Variants in SLC36A2 observed in about 807,000 individuals in gnomAD.
SLC36A2 encodes the protein proton-coupled amino acid transporter 2.
SLC36A2 carries 39 observed loss-of-function variants against 42.7 expected under a neutral mutation model. The ratio of observed to expected loss-of-function variants is 0.91; its 90% CI spans 0.71 to 1.19. The LOEUF is 1.19. Among genes scored for constraint, SLC36A2 ranks in the 50% most tolerant of loss-of-function variants. SLC36A2 has a pLI of 0.00. For synonymous variants in SLC36A2, 237 were observed against 240.8 expected (o/e 0.98, Z 0.15); for missense variants, 590 against 613.7 (o/e 0.96, Z 0.41).
Position 151,317,056 on chromosome 5 carries a change from G to T in SLC36A2, c.1213C>A (p.Leu405Met). Residue 405 changes from leucine (L) to methionine (M), a missense_variant, in exon 10 of 10, where the codon CTG becomes ATG. Transcript: ENST00000335244. ...LLAILIPRLD[L>M]VISLVGSVSG... ...ACGGAGCCCACCAGGGAGATGACCA[G>T]GTCCAGGCGGGGGATGAGGATGGCC... 6.2e-7 allele frequency: 1 copy of T among 1,614,134 alleles called. No individual in the cohort carries two copies. Among genetic ancestry groups the T allele is most frequent in the Non-Finnish European group, 8.5e-7 (1 of 1,180,024 alleles).
Position 151,335,328 on chromosome 5 carries a change from C to T in SLC36A2, c.744+1G>A, listed in dbSNP as rs560625643. On this transcript the variant is annotated splice_donor_variant, in intron 6 of 9. Coordinates refer to ENST00000335244, the MANE Select transcript of SLC36A2 (RefSeq NM_181776.3). LOFTEE classifies it high-confidence loss of function. The stretch of plus-strand genomic sequence containing the variant: ...TGGGCAGGTGCATGGTGTGCACTCA[C>T]CTGGGTAATGTACTGTATGATGATG... 6 of 1,610,146 alleles carry T rather than the reference C, an allele frequency of 3.7e-6. No homozygotes were observed. The highest frequency in any genetic ancestry group is 4.2e-6 in the Non-Finnish European group (5 of 1,178,076).
At chr5:151,331,531 C>T (rs1421524927) in intron 7 of SLC36A2, among the ~76,000 whole-genome samples, 1 of 151,912 alleles carries the variant, frequency 6.6e-6, no homozygotes, top group Non-Finnish European at 1.5e-5. Context: ...GTTGCCCAGG[C>T]TGGTCTCAAA....
chr5:151,346,434 T>C (rs1252113143), intron 1 of SLC36A2, among the ~76,000 whole-genome samples: 1 of 152,106 alleles, frequency 6.6e-6, no homozygotes, highest in African/African-American at 2.4e-5. Context: ...TTTGTTTCCA[T>C]GCACCCTCCT....
intron 2 of SLC36A2, among the ~76,000 whole-genome samples, 157 bp downstream of exon 2, chr5:151,344,020 G>A (rs763552053): frequency 2.6e-5 from 4 of 152,166 alleles, no homozygotes; most frequent in Non-Finnish European, 4.4e-5. Flanking sequence ...TGGCAGAGCC[G>A]GAACTCAAAC....
At chr5:151,327,263 G>A (rs761207313) in intron 7 of SLC36A2, among the ~76,000 whole-genome samples, 1 of 152,108 alleles carries the variant, frequency 6.6e-6, no homozygotes, top group Non-Finnish European at 1.5e-5. Flanking sequence ...TTACAGATGA[G>A]GAAAACAAGG....
intron 7 of SLC36A2, among the ~76,000 whole-genome samples, chr5:151,329,438 A>T (rs1755936208): frequency 6.6e-6 from 1 of 152,208 alleles, no homozygotes; most frequent in Non-Finnish European, 1.5e-5. Flanking sequence ...GAAAAATCTC[A>T]TCAACTTTCA....
At chr5:151,346,962 C>T (rs1756512822) in intron 1 of SLC36A2, among the ~76,000 whole-genome samples, 1 of 152,208 alleles carries the variant, frequency 6.6e-6, no homozygotes, top group Non-Finnish European at 1.5e-5. Flanking sequence ...TATCCCCAAT[C>T]TTAACATCGC....
intron 7 of SLC36A2, among the ~76,000 whole-genome samples, chr5:151,332,039 G>A (rs978322459): frequency 2.6e-5 from 4 of 152,000 alleles, no homozygotes; most frequent in African/African-American, 9.7e-5. Flanking sequence ...GTTAATTTTT[G>A]CATTTTTAGT....
Position 151,325,546 on chromosome 5 carries a change from A to G in SLC36A2, c.844-94T>C, listed in dbSNP as rs1755830065. On this transcript the variant is annotated intron_variant, in intron 7 of 9. Transcript: ENST00000335244. Reference sequence around the variant, plus strand: ...TCTGGATGTCTACCCCAAAGAACTGAAAGCAGGGCCTCAAAGAGATATTTG... The same window carrying G: ...TCTGGATGTCTACCCCAAAGAACTGGAAGCAGGGCCTCAAAGAGATATTTG... 3.9e-6 allele frequency: 5 copies of G among 1,286,258 alleles called. No homozygotes were observed. In the Admixed American group the frequency reaches 7.3e-5, roughly 19 times the overall value. The allele number at this position is 1,286,258 out of a possible 1,614,324, so 79.7% of individuals were successfully genotyped here. A position where few individuals can be genotyped will look rare whatever the true frequency, so the allele number is the denominator to read the frequency against.
At chr5:151,340,861 G>A (rs1477605904) in intron 4 of SLC36A2, among the ~76,000 whole-genome samples, 4 of 152,166 alleles carry the variant, frequency 2.6e-5, no homozygotes, top group Non-Finnish European at 5.9e-5. Context: ...CCATTTGCTC[G>A]TTGCAGTAGA....
intron 5 of SLC36A2, among the ~76,000 whole-genome samples, chr5:151,337,734 G>A (rs768917085): frequency 3.3e-5 from 5 of 152,108 alleles, no homozygotes; most frequent in Non-Finnish European, 5.9e-5. Flanking sequence ...GAAACAAAGG[G>A]AAATAAGGGA....
intron 9 of SLC36A2, among the ~76,000 whole-genome samples, chr5:151,318,568 ATAT>A (rs1470109548): frequency 2.1e-5 from 3 of 145,266 alleles, no homozygotes; most frequent in Non-Finnish European, 4.5e-5. Flanking sequence ...ATATTTTTAT[ATAT>A]AATAAATATT....
chr5:151,340,176 AG>A (rs371300045), intron 4 of SLC36A2, among the ~76,000 whole-genome samples: 4 of 46,182 alleles, frequency 8.7e-5, no homozygotes, highest in African/African-American at 2.5e-4. Flanking sequence ...AGGAAGGAGG[AG>A]GAGGAGGAAG....
At chr5:151,345,180 TAA>T (rs1170255131) in intron 1 of SLC36A2, among the ~76,000 whole-genome samples, 1 of 152,228 alleles carries the variant, frequency 6.6e-6, no homozygotes, top group East Asian at 1.9e-4. Context: ...TGTACCAGGT[TAA>T]GTCAAGGCGA....
intron 7 of SLC36A2, among the ~76,000 whole-genome samples, chr5:151,328,432 G>T (rs1198292515): frequency 6.6e-6 from 1 of 152,210 alleles, no homozygotes; most frequent in African/African-American, 2.4e-5. Context: ...ACTATGCGGT[G>T]CATACAGACA....
In SLC36A2 at chr5:151,340,167, G is replaced by A. The variant is rs969993323; in HGVS notation, c.441-1023C>T. On this transcript the variant is annotated intron_variant, in intron 4 of 9. Coordinates refer to ENST00000335244, the MANE Select transcript of SLC36A2 (RefSeq NM_181776.3). ...AGGAGGAGAAGGAGGAGGAAGAAGAGGAAGGAGGAGGAGGAGGAAGAGGTG... is the reference window on the plus strand; with the variant it reads ...AGGAGGAGAAGGAGGAGGAAGAAGAAGAAGGAGGAGGAGGAGGAAGAGGTG... 2.1e-4 allele frequency among the ~76,000 whole-genome samples: 24 copies of A among 112,392 alleles called. 1 individual carries two copies. The highest frequency in any genetic ancestry group is 3.0e-4 in the Non-Finnish European group (19 of 62,786). 73.7% of individuals were successfully genotyped at this position (112,392 alleles called of 152,430 possible).
intron 5 of SLC36A2, chr5:151,338,465 G>A (rs1268367715): frequency 6.5e-6 from 1 of 153,048 alleles, no homozygotes; most frequent in Non-Finnish European, 1.5e-5. Context: ...CTTGAGCCCT[G>A]GAGTTTGAGG....
rs146368649 is a variant in SLC36A2, at chr5:151,334,376, A to G, written c.744+953T>C. The stretch of plus-strand genomic sequence containing the variant: ...AGGGGCTTCTGAGACTTAACTTTCT[A>G]TGTAGTGTTGTCTATTATAAAAGAA... On this transcript the variant is annotated intron_variant, in intron 6 of 9. Coordinates refer to ENST00000335244, the MANE Select transcript of SLC36A2 (RefSeq NM_181776.3). Among the ~76,000 whole-genome samples, 309 of 150,514 alleles carry G rather than the reference A, an allele frequency of 2.1e-3. 1 individual carries two copies. Among genetic ancestry groups the G allele is most frequent in the African/African-American group, 6.9e-3 (284 of 41,322 alleles).
chr5:151,341,508 G>A (rs2127298121), intron 4 of SLC36A2, among the ~76,000 whole-genome samples: 1 of 152,298 alleles, frequency 6.6e-6, no homozygotes, highest in East Asian at 1.9e-4. Flanking sequence ...AGAGGAGACA[G>A]ACAGGTGGGG....
Sources: allele counts gnomAD v4.1 joint callset (sites outside exome capture counted in the v4.1 genomes callset), GRCh38; gene constraint gnomAD v4.1.1; transcripts MANE v1.5; gene names NCBI Gene and HGNC (gene_info 2026-07-23, HGNC 2026-07-21).